SEPTIN8: variants seen among roughly 807,000 people sequenced by gnomAD.
SEPTIN8 encodes septin-8.
SEPTIN8 carries 22 observed loss-of-function variants against 53.1 expected under a neutral mutation model. That is an observed-to-expected ratio of 0.41 (90% CI 0.30 to 0.59). The LOEUF is 0.59. SEPTIN8 is among the 20% of genes least tolerant of loss of function. SEPTIN8 has a pLI of 0.24. For synonymous variants in SEPTIN8, 228 were observed against 248.4 expected, an observed-to-expected ratio of 0.92 and a Z score of 0.77; for missense variants, 536 against 638.7, an observed-to-expected ratio of 0.84 and a Z score of 1.73.
At chr5:132,762,396 G>A in intron 5 of SEPTIN8, 88 bp downstream of exon 5, 4 of 1,338,802 alleles carry the variant, frequency 3.0e-6, no homozygotes, top group South Asian at 1.3e-5. Flanking sequence ...GAATCCTGGG[G>A]AACAAGAGTC....
chr5:132,768,500 T>C (rs1756858746), intron 1 of SEPTIN8, among the ~76,000 whole-genome samples: 1 of 152,204 alleles, frequency 6.6e-6, no homozygotes, highest in African/African-American at 2.4e-5. Flanking sequence ...CACTCCAGGG[T>C]GCCTGCTCCA....
At chr5:132,764,146 G>A in intron 3 of SEPTIN8, 78 bp downstream of exon 3, 7 of 1,447,594 alleles carry the variant, frequency 4.8e-6, no homozygotes, top group South Asian at 1.3e-5. Context: ...TGCAGTGTGA[G>A]GGCTGGGCTA....
At chr5:132,777,444 C>T (rs980919685), upstream of SEPTIN8, 1 of 992,494 alleles carries the variant, frequency 1.0e-6, no homozygotes, top group Non-Finnish European at 1.2e-6. This position sits in a 1 kb window ranked among gnomAD's most constrained non-coding sequence, Gnocchi z 4.1. Flanking sequence ...GACTTGTAGT[C>T]CGCGCGTTGG....
At chr5:132,763,976 C>A (rs1369331214) in intron 3 of SEPTIN8, 84 bp from the exon 4 acceptor site, 96 of 1,364,460 alleles carry the variant, frequency 7.0e-5, no homozygotes, top group Non-Finnish European at 9.1e-5. Context: ...GGGGCCAAGC[C>A]AGGCTGCCCC....
chr5:132,768,057 T>TAGGCC (rs1202889969), intron 1 of SEPTIN8, among the ~76,000 whole-genome samples: 1 of 151,580 alleles, frequency 6.6e-6, no homozygotes, highest in African/African-American at 2.4e-5. Flanking sequence ...CTTACAGTTC[T>TAGGCC]AGGCCCCAGA....
intron 9 of SEPTIN8, among the ~76,000 whole-genome samples, chr5:132,755,628 C>T (rs974782173): frequency 6.6e-5 from 10 of 152,114 alleles, no homozygotes; most frequent in African/African-American, 2.2e-4. Context: ...AATATGGTTC[C>T]GAGCAGTCCT....
Position 132,765,514 on chromosome 5 carries a change from G to A in SEPTIN8, c.46C>T (p.Pro16Ser), listed in dbSNP as rs1184200453. Residue 16 changes from proline (P) to serine (S), a missense_variant, in exon 2 of 10, where the codon CCC becomes TCC. Pro to Ser is a moderately conservative substitution (Grantham distance 74). This residue lies in a region of SEPTIN8 where 395 missense variants were observed against 451.8 expected (regional missense o/e 0.87). Coordinates refer to ENST00000378719, the MANE Select transcript of SEPTIN8 (RefSeq NM_001098811.2). ...TGGCCGCCCAGGGAGAGGCTCCGGG[G>A]CTCTGGCTCTGCATTCTGCCAAGAG... ...LERFSNAEPE[P>S]RSLSLGGHVG... 2 of 1,602,732 alleles carry A rather than the reference G, an allele frequency of 1.2e-6. No homozygotes were observed. Among genetic ancestry groups the A allele is most frequent in the African/African-American group, 1.3e-5 (1 of 74,362 alleles).
rs30516 is a variant in SEPTIN8 at position 132,776,868 on chromosome 5, A to T, written c.30+240T>A. Among the ~76,000 whole-genome samples the T allele has an allele frequency of 0.36, 54,745 of 151,964 alleles. 16,756 individuals are homozygous for T. Among genetic ancestry groups the T allele is most frequent in the African/African-American group, 0.8 (33,236 of 41,474 alleles). On this transcript the variant is annotated intron_variant, in intron 1 of 9. Transcript: ENST00000378719. This position sits in a 1 kb window ranked among gnomAD's most constrained non-coding sequence, Gnocchi z 4.4. ...TTTGCTCCTTCCCGCGAAAGGGGTT[A>T]GCCTTGCCTGCGCCCCAGGAAGCGA...
upstream of SEPTIN8, chr5:132,777,624 C>G: frequency 1.0e-6 from 1 of 985,490 alleles, no homozygotes; most frequent in South Asian, 4.7e-5. This position sits in a 1 kb window ranked among gnomAD's most constrained non-coding sequence, Gnocchi z 4.1. Context: ...AGATCTCCCC[C>G]ACCAAGCCGT....
In SEPTIN8 at chr5:132,768,944, G is replaced by A. The variant is rs568450178; in HGVS notation, c.31-3415C>T. On this transcript the variant is annotated intron_variant, in intron 1 of 9. Coordinates refer to ENST00000378719, the MANE Select transcript of SEPTIN8 (RefSeq NM_001098811.2). ...TATTACTTGCAACTGAAACATCTTC[G>A]GTGCCATAGGATCCAAAGTAAAACT... Among the ~76,000 whole-genome samples, 39 of 152,226 alleles carry A rather than the reference G, an allele frequency of 2.6e-4. No individual in the cohort carries two copies. In the South Asian group the frequency reaches 3.5e-3, roughly 14 times the overall value.
rs1290868617 is a variant in SEPTIN8, at chr5:132,760,466, C to T, written c.1286+336G>A. 6.6e-6 allele frequency among the ~76,000 whole-genome samples: 1 copy of T among 151,226 alleles called. No individual in the cohort carries two copies. Among genetic ancestry groups the T allele is most frequent in the East Asian group, 2.0e-4 (1 of 5,126 alleles). On this transcript the variant is annotated intron_variant, in intron 9 of 9. Transcript: ENST00000378719. The surrounding 1 kb of genome is among the most constrained non-coding windows in gnomAD (Gnocchi z 5.2). Reference sequence around the variant, plus strand: ...AGCTGCCAAGGGGGCTATGGGAGAGCGAATGGGTGAGCAAGAAAGTTGGAG... The same window carrying T: ...AGCTGCCAAGGGGGCTATGGGAGAGTGAATGGGTGAGCAAGAAAGTTGGAG...
At chr5:132,755,043 G>A (rs1642666627) in intron 9 of SEPTIN8, among the ~76,000 whole-genome samples, 1 of 152,076 alleles carries the variant, frequency 6.6e-6, no homozygotes. Context: ...CCACCTAGGA[G>A]GCCCTCCTCC....
chr5:132,756,499 A>C (rs1755352678), intron 9 of SEPTIN8: 1 of 985,282 alleles, frequency 1.0e-6, no homozygotes, highest in African/African-American at 1.7e-5. Flanking sequence ...AATGAGAAAA[A>C]GAGGGGTAAA....
chr5:132,760,128 A>G lies in SEPTIN8; in HGVS notation c.1286+674T>C, dbSNP rs1755745516. On this transcript the variant is annotated intron_variant, in intron 9 of 9. Transcript: ENST00000378719. The surrounding 1 kb of genome is among the most constrained non-coding windows in gnomAD (Gnocchi z 5.2). ...TTAAGCCCTGCGGGCCCTTCAGAAC[A>G]GCTGTGTGGTGACCAGTCTCCAGGA... Among the ~76,000 whole-genome samples the G allele has an allele frequency of 6.6e-6, 1 of 152,028 alleles. No homozygotes were observed. The highest frequency in any genetic ancestry group is 6.5e-5 in the Admixed American group (1 of 15,284).
Position 132,760,594 on chromosome 5 carries a change from A to G in SEPTIN8, c.1286+208T>C, listed in dbSNP as rs1047102189. On this transcript the variant is annotated intron_variant, in intron 9 of 9. Transcript: ENST00000378719. The surrounding 1 kb of genome is among the most constrained non-coding windows in gnomAD (Gnocchi z 5.2). The stretch of plus-strand genomic sequence containing the variant: ...AGTGAGACTGCATGAGTATCAGAGC[A>G]ATCCAGACGGCGAGACACTGGATCA... Among the ~76,000 whole-genome samples the G allele has an allele frequency of 2.2e-4, 34 of 151,778 alleles. No individual in the cohort carries two copies. The highest frequency in any genetic ancestry group is 8.0e-4 in the African/African-American group (33 of 41,134).
intron 2 of SEPTIN8, among the ~76,000 whole-genome samples, chr5:132,765,044 GA>G (rs1756441814): frequency 6.6e-6 from 1 of 152,022 alleles, no homozygotes; most frequent in South Asian, 2.1e-4. Context: ...ATATGGTGAT[GA>G]GGGGCAGAGC....
chr5:132,767,406 TC>T lies in SEPTIN8; in HGVS notation c.31-1878del, dbSNP rs147292193. ...CTCGGCTCTACAGCTACTCTACTTT[TC>T]CCTTGGCACCCACTCTCACCTGGCC... On this transcript the variant is annotated intron_variant, in intron 1 of 9. Coordinates refer to ENST00000378719, the MANE Select transcript of SEPTIN8 (RefSeq NM_001098811.2). 1.2e-3 allele frequency among the ~76,000 whole-genome samples: 188 copies of T among 152,180 alleles called. 1 individual carries two copies. The highest frequency in any genetic ancestry group is 4.4e-3 in the African/African-American group (183 of 41,518).
upstream of SEPTIN8, among the ~76,000 whole-genome samples, chr5:132,779,788 T>C (rs1424418703): frequency 6.6e-6 from 1 of 152,210 alleles, no homozygotes; most frequent in Non-Finnish European, 1.5e-5. Flanking sequence ...TCTAGGCAAT[T>C]TGTGTATGTG....
chr5:132,770,705 G>A (rs865975414), intron 1 of SEPTIN8, among the ~76,000 whole-genome samples: 15 of 152,174 alleles, frequency 9.9e-5, no homozygotes, highest in South Asian at 4.1e-4. Context: ...CTGTGGGGAG[G>A]AGCCTTCAGG....
Sources: gnomAD v4.1 joint callset for allele counts (sites outside exome capture counted in the v4.1 genomes callset) on GRCh38, gnomAD v4.1.1 for gene constraint, gnomAD v4.1.1 regional missense constraint, Gnocchi (gnomAD v3.1) non-coding constraint, MANE v1.5 for transcripts, NCBI Gene and HGNC (gene_info 2026-07-23, HGNC 2026-07-21) for gene names.